Variants in CLIP1 observed in about 807,000 individuals in gnomAD.
CLIP1 encodes the protein CAP-Gly domain-containing linker protein 1.
Under a neutral mutation model 161.6 loss-of-function variants are expected in CLIP1, and 66 were observed. That is an observed-to-expected ratio of 0.41 (90% CI 0.33 to 0.50). CLIP1 has a LOEUF of 0.50. Ranked by LOEUF, CLIP1 falls within the 20% of genes least tolerant of loss-of-function variation. The probability of loss-of-function intolerance (pLI) is 0.27; values close to 1 mark genes in which losing one functional copy is unlikely to be tolerated. For missense variants in CLIP1, 1,376 were observed against 1,702.0 expected (o/e 0.81, Z 3.37); for synonymous variants, 598 against 626.2 (o/e 0.96, Z 0.67).
intron 1 of CLIP1, among the ~76,000 whole-genome samples, chr12:122,385,105 G>A (rs1040456402): frequency 6.6e-6 from 1 of 151,836 alleles, no homozygotes; most frequent in Admixed American, 6.6e-5. Context: ...GCTAAATTTT[G>A]TATTTTTAGT....
intron 7 of CLIP1, 95 bp from the exon 8 acceptor site, chr12:122,352,881 T>C (rs1455333634): frequency 4.8e-6 from 5 of 1,046,258 alleles, no homozygotes; most frequent in African/African-American, 1.6e-5. Flanking sequence ...ACGTTGGGCA[T>C]GGTAGGCCAC....
intron 17 of CLIP1, among the ~76,000 whole-genome samples, chr12:122,324,982 T>G (rs957859652): frequency 6.6e-6 from 1 of 151,936 alleles, no homozygotes; most frequent in African/African-American, 2.4e-5. Flanking sequence ...TTTTTTTTTA[T>G]TTACTGAATT....
Position 122,316,353 on chromosome 12 carries a change from GCACACAC to G in CLIP1, c.3473+389_3473+395del, listed in dbSNP as rs1192702867. Among the ~76,000 whole-genome samples the G allele has an allele frequency of 2.0e-5, 3 of 151,942 alleles. No individual in the cohort carries two copies. In the East Asian group the frequency reaches 5.8e-4, roughly 29 times the overall value. On this transcript the variant is annotated intron_variant, in intron 19 of 25. Coordinates refer to ENST00000620786, the MANE Select transcript of CLIP1 (RefSeq NM_001247997.2). ...AGCCTCCTGAGTAATTGGCAAATAG[GCACACAC>G]CACCATACCCAACTAATTTTTGTAC...
intron 19 of CLIP1, among the ~76,000 whole-genome samples, chr12:122,316,074 C>T (rs1951257411): frequency 6.6e-6 from 1 of 151,862 alleles, no homozygotes; most frequent in Non-Finnish European, 1.5e-5. Context: ...ATTGGCTGGC[C>T]AGGCGCAGTG....
chr12:122,342,306 T>A (rs1952544836), intron 10 of CLIP1: 1 of 152,236 alleles, frequency 6.6e-6, no homozygotes, highest in Admixed American at 6.5e-5. Context: ...AACTGCCTCC[T>A]GAAAGAAAAC....
intron 1 of CLIP1, among the ~76,000 whole-genome samples, chr12:122,385,597 G>A (rs1012878701): frequency 6.6e-6 from 1 of 152,122 alleles, no homozygotes; most frequent in African/African-American, 2.4e-5. Context: ...AAGGACTGCT[G>A]GTAGGACTGC....
At chr12:122,330,815 C>T (rs995161052) in intron 15 of CLIP1, among the ~76,000 whole-genome samples, 2 of 151,556 alleles carry the variant, frequency 1.3e-5, no homozygotes, top group Non-Finnish European at 2.9e-5. Flanking sequence ...GTTGGCCAGG[C>T]TGTTCTTGAA....
chr12:122,420,752 G>T (rs1169042414), intron 1 of CLIP1, among the ~76,000 whole-genome samples: 1 of 151,958 alleles, frequency 6.6e-6, no homozygotes, highest in African/African-American at 2.4e-5. Flanking sequence ...CCTGGGCAAC[G>T]TGGTGAAACC....
rs184766019 is a variant in CLIP1 at position 122,332,711 on chromosome 12, G to A, written c.2867+276C>T. Among the ~76,000 whole-genome samples, 10 of 152,244 alleles carry A rather than the reference G, an allele frequency of 6.6e-5. No individual in the cohort carries two copies. The East Asian group carries it at 7.7e-4, about 12-fold the overall frequency. On this transcript the variant is annotated intron_variant, in intron 15 of 25. Transcript: ENST00000620786. ...GCTGGGATTACAGGCATGAGCCACC[G>A]CACCCGGCCTTATTATCTTTTCTTT...
At position 122,272,802 on chromosome 12, in the gene CLIP1, C is replaced by T. The variant is rs993525570; in HGVS notation, c.*73G>A. ...AACATGAGTTCTCCTGAAGTCTGCACACACAATGCTGGTGTTACGTTGTGT... is the reference window on the plus strand; with the variant it reads ...AACATGAGTTCTCCTGAAGTCTGCATACACAATGCTGGTGTTACGTTGTGT... On this transcript the variant is annotated 3_prime_UTR_variant, in exon 26 of 26. Transcript: ENST00000620786. 7.9e-6 allele frequency: 10 copies of T among 1,267,980 alleles called. No individual in the cohort carries two copies. The highest frequency in any genetic ancestry group is 1.5e-5 in the African/African-American group (1 of 68,098). 78.5% of individuals were successfully genotyped at this position (1,267,980 alleles called of 1,614,324 possible). A position where few individuals can be genotyped will look rare whatever the true frequency, so the allele number is the denominator to read the frequency against.
At position 122,323,318 on chromosome 12, in the gene CLIP1, A is replaced by G. The variant is rs1387680781; in HGVS notation, c.3250-3970T>C. 1.3e-5 allele frequency: 2 copies of G among 152,378 alleles called. No individual in the cohort carries two copies. Among genetic ancestry groups the G allele is most frequent in the East Asian group, 3.9e-4 (2 of 5,150 alleles). The allele number at this position is 152,378 out of a possible 1,614,324, so 9.4% of individuals were successfully genotyped here. ...GCATTTGTGGAGTTTTTCAGTGATT[A>G]TTCTATTTTCACTTAAAAGTTCCTC... On this transcript the variant is annotated intron_variant, in intron 17 of 25. Transcript: ENST00000620786. The surrounding 1 kb of genome is among the most constrained non-coding windows in gnomAD (Gnocchi z 4.1).
intron 1 of CLIP1, among the ~76,000 whole-genome samples, chr12:122,408,337 A>AT (rs1956404850): frequency 6.6e-6 from 1 of 151,760 alleles, no homozygotes; most frequent in Admixed American, 6.6e-5. Flanking sequence ...TTTTTGAGAC[A>AT]TTTCTTTATT....
chr12:122,389,046 T>A (rs1480874629), intron 1 of CLIP1, among the ~76,000 whole-genome samples: 3 of 152,216 alleles, frequency 2.0e-5, no homozygotes, highest in African/African-American at 7.2e-5. Context: ...TTGCTTCGAA[T>A]GTCCTTTCCA....
At chr12:122,321,922 C>T (rs992570010) in intron 17 of CLIP1, among the ~76,000 whole-genome samples, 1 of 152,168 alleles carries the variant, frequency 6.6e-6, no homozygotes, top group Admixed American at 6.5e-5. Context: ...TGGGGAGAGA[C>T]TACTACAGTG....
chr12:122,293,768 G>A (rs546871206), intron 20 of CLIP1, among the ~76,000 whole-genome samples: 52 of 150,172 alleles, frequency 3.5e-4, no homozygotes, highest in African/African-American at 1.2e-3. Context: ...GTGAGTTACC[G>A]TGCCCGGCCT....
At chr12:122,365,885 C>A (rs1954137030) in intron 3 of CLIP1, among the ~76,000 whole-genome samples, 1 of 152,034 alleles carries the variant, frequency 6.6e-6, no homozygotes, top group Non-Finnish European at 1.5e-5. Flanking sequence ...TGGTGTGCGC[C>A]TGTGGTCCCA....
rs1382895063 is a variant in CLIP1 at position 122,354,520 on chromosome 12, G to A, written c.1240C>T (p.Arg414Ter). The A allele has an allele frequency of 6.2e-7, 1 of 1,613,730 alleles. No homozygotes were observed. The highest frequency in any genetic ancestry group is 8.5e-7 in the Non-Finnish European group (1 of 1,179,886). Residue 414 changes from arginine to a stop codon, truncating the protein, a stop_gained, in exon 7 of 26, where the codon CGA (arginine) becomes TGA (stop). Transcript: ENST00000620786. LOFTEE classifies it high-confidence loss of function. ...LELEAKMDQL[R>*]TMVEAADREK... is the part of the protein sequence containing the mutation. Reference sequence around the variant, plus strand: ...CTGTCAGCAGCTTCCACCATTGTTCGCAGCTGGTCCATTTTGGCTTCCAAT... The same window carrying A: ...CTGTCAGCAGCTTCCACCATTGTTCACAGCTGGTCCATTTTGGCTTCCAAT...
In CLIP1 at chr12:122,271,630, C is replaced by T. The variant is rs1443530540; in HGVS notation, c.*1245G>A. 1 of 152,462 alleles carries T rather than the reference C, an allele frequency of 6.6e-6. No individual in the cohort carries two copies. The highest frequency in any genetic ancestry group is 2.4e-5 in the African/African-American group (1 of 41,372). 9.4% of individuals were successfully genotyped at this position (152,462 alleles called of 1,614,324 possible). On this transcript the variant is annotated 3_prime_UTR_variant, in exon 26 of 26. Coordinates refer to ENST00000620786, the MANE Select transcript of CLIP1 (RefSeq NM_001247997.2). ...GGAAAATACATCAAAGGCATATATA[C>T]AATTATAGAAGTTCTTATTGTACAT...
In CLIP1 at chr12:122,401,525, C is replaced by T. The variant is rs894630825; in HGVS notation, c.-106-20967G>A. Among the ~76,000 whole-genome samples the T allele has an allele frequency of 5.3e-5, 8 of 151,904 alleles. No individual in the cohort carries two copies. In the South Asian group the frequency reaches 6.2e-4, roughly 12 times the overall value. ...TACTAAAAATACAAAATCAGCCAGG[C>T]GGCGTGGTGGCACATGCCTGTAATC... On this transcript the variant is annotated intron_variant, in intron 1 of 25. Coordinates refer to ENST00000620786, the MANE Select transcript of CLIP1 (RefSeq NM_001247997.2).
Sources: allele counts gnomAD v4.1 joint callset (sites outside exome capture counted in the v4.1 genomes callset), GRCh38; gene constraint gnomAD v4.1.1; non-coding constraint Gnocchi (gnomAD v3.1); transcripts MANE v1.5; gene names NCBI Gene and HGNC (gene_info 2026-07-23, HGNC 2026-07-21).